The following TCERG1L variants were observed in gnomAD, a reference collection of about 807,000 sequenced individuals.
TCERG1L encodes transcription elongation regulator 1 like.
TCERG1L carries 37 observed loss-of-function variants against 56.3 expected under a neutral mutation model. The ratio of observed to expected loss-of-function variants is 0.66; its 90% CI spans 0.51 to 0.87. TCERG1L has a LOEUF of 0.87. Among genes scored for constraint, TCERG1L ranks in the 40% least tolerant of loss-of-function variants. The probability of loss-of-function intolerance (pLI) is 0.00; values close to 1 mark genes in which losing one functional copy is unlikely to be tolerated. For synonymous variants in TCERG1L, 324 were observed against 326.3 expected (o/e 0.99, Z 0.08); for missense variants, 799 against 774.2 (o/e 1.03, Z -0.38).
rs112917777 is a variant in TCERG1L at position 131,247,998 on chromosome 10, T to C, written c.856+12261A>G. 5.8e-3 allele frequency among the ~76,000 whole-genome samples: 866 copies of C among 149,638 alleles called. 8 individuals carry two copies. The highest frequency in any genetic ancestry group is 0.02 in the African/African-American group (828 of 40,480). On this transcript the variant is annotated intron_variant, in intron 4 of 11. Transcript: ENST00000368642. Reference sequence around the variant, plus strand: ...CATACCCACATGACTCAGGTGCACATACACACACACATGCATACACTCACA... The same window carrying C: ...CATACCCACATGACTCAGGTGCACACACACACACACATGCATACACTCACA...
chr10:131,284,125 C>CAAAAAAAAAAA (rs10534180), intron 3 of TCERG1L, among the ~76,000 whole-genome samples: 1 of 116,398 alleles, frequency 8.6e-6, no homozygotes, highest in African/African-American at 3.2e-5. Flanking sequence ...GACCACATCT[C>CAAAAAAAAAAA]AAAAAAAAAA....
intron 4 of TCERG1L, among the ~76,000 whole-genome samples, chr10:131,187,187 C>T (rs1396660243): frequency 1.3e-5 from 2 of 152,276 alleles, no homozygotes; most frequent in African/African-American, 2.4e-5. Context: ...AAGACAGTGA[C>T]CTCAGTGCCA....
rs570145016 is a variant in TCERG1L, at chr10:131,112,522, C to T, written c.1395+4277G>A. Among the ~76,000 whole-genome samples the T allele has an allele frequency of 2.8e-4, 40 of 142,558 alleles. 5 individuals are homozygous for T. Among genetic ancestry groups the T allele is most frequent in the African/African-American group, 9.1e-4 (37 of 40,566 alleles). 93.5% of individuals were successfully genotyped at this position (142,558 alleles called of 152,430 possible). On this transcript the variant is annotated intron_variant, in intron 9 of 11. Transcript: ENST00000368642. ...TCAACCTGCCCCACTCTGCGGCCCT[C>T]TTCTCCTGGCCTCTGGACTTTGCCT...
At chr10:131,263,063 C>T (rs1339195863) in intron 3 of TCERG1L, among the ~76,000 whole-genome samples, 1 of 152,030 alleles carries the variant, frequency 6.6e-6, no homozygotes, top group Admixed American at 6.5e-5. Flanking sequence ...TTTAGAAGCA[C>T]AATTGTTGGA....
rs1211664047 is a variant in TCERG1L at position 131,103,898 on chromosome 10, T to C, written c.1485+367A>G. Among the ~76,000 whole-genome samples the C allele has an allele frequency of 5.3e-5, 8 of 152,186 alleles. No homozygotes were observed. The highest frequency in any genetic ancestry group is 7.3e-5 in the Non-Finnish European group (5 of 68,036). On this transcript the variant is annotated intron_variant, in intron 10 of 11. Transcript: ENST00000368642. The surrounding 1 kb of genome is among the most constrained non-coding windows in gnomAD (Gnocchi z 4.3). ...TTCATATTATATAAGATTTTAAGCA[T>C]ATAAAACCTTAAGGTCTTATGTAAG...
intron 4 of TCERG1L, among the ~76,000 whole-genome samples, chr10:131,169,103 T>C (rs1258709668): frequency 6.6e-6 from 1 of 152,180 alleles, no homozygotes; most frequent in African/African-American, 2.4e-5. Context: ...TAAGAATTAC[T>C]CCCAGAGCCC....
intron 9 of TCERG1L, among the ~76,000 whole-genome samples, chr10:131,107,763 C>T (rs2133383973): frequency 6.6e-6 from 1 of 152,060 alleles, no homozygotes; most frequent in South Asian, 2.1e-4. Flanking sequence ...GCACACACAC[C>T]ACACATACAA....
Position 131,311,372 on chromosome 10 carries a change from G to A in TCERG1L, c.264C>T (p.Leu88=). ...GCGCAGAGGGCAGCGGCAGCAGCGGGAGCACCGGCTCGCTCGGGGCCGGCC... is the reference window on the plus strand; with the variant it reads ...GCGCAGAGGGCAGCGGCAGCAGCGGAAGCACCGGCTCGCTCGGGGCCGGCC... ...PGWPAPSEPV[L]PLLPLPSAPD... is the part of the protein sequence containing the mutation. The change falls in exon 1 of 12, where the codon CTC becomes CTT. Residue 88 remains leucine (L), a synonymous_variant. Coordinates refer to ENST00000368642, the MANE Select transcript of TCERG1L (RefSeq NM_174937.4). The surrounding 1 kb of genome is among the most constrained non-coding windows in gnomAD (Gnocchi z 4.0). 2 of 1,196,942 alleles carry A rather than the reference G, an allele frequency of 1.7e-6. No individual in the cohort carries two copies. The highest frequency in any genetic ancestry group is 8.3e-5 in the South Asian group (2 of 24,090). The allele number at this position is 1,196,942 out of a possible 1,614,324, so 74.1% of individuals were successfully genotyped here. A position where few individuals can be genotyped will look rare whatever the true frequency, so the allele number is the denominator to read the frequency against.
chr10:131,241,618 A>G (rs1239498418), intron 4 of TCERG1L, among the ~76,000 whole-genome samples: 7 of 149,988 alleles, frequency 4.7e-5, no homozygotes, highest in African/African-American at 1.5e-4. Flanking sequence ...GAGGACATGC[A>G]TGAACACAGT....
At chr10:131,114,265 CA>C (rs1845434163) in intron 9 of TCERG1L, among the ~76,000 whole-genome samples, 1 of 142,612 alleles carries the variant, frequency 7.0e-6, no homozygotes, top group African/African-American at 2.5e-5. Context: ...CATTGTTAAG[CA>C]GCTAGAAACC....
intron 6 of TCERG1L, among the ~76,000 whole-genome samples, chr10:131,157,205 C>T (rs1406153093): frequency 2.6e-5 from 4 of 152,188 alleles, no homozygotes; most frequent in Non-Finnish European, 5.9e-5. Context: ...TCCCAAAGTG[C>T]ACTTTCGTAT....
At chr10:131,276,110 A>G (rs1479642224) in intron 3 of TCERG1L, among the ~76,000 whole-genome samples, 1 of 152,158 alleles carries the variant, frequency 6.6e-6, no homozygotes, top group East Asian at 1.9e-4. Flanking sequence ...CTCCTCCTGA[A>G]AGATCTATTC....
At chr10:131,137,837 C>T (rs999997145) in intron 7 of TCERG1L, among the ~76,000 whole-genome samples, 2 of 152,086 alleles carry the variant, frequency 1.3e-5, no homozygotes, top group East Asian at 1.9e-4. Flanking sequence ...GAGGGGTTGC[C>T]GTGCACAACG....
chr10:131,309,959 C>A (rs1846866339), intron 1 of TCERG1L, among the ~76,000 whole-genome samples: 1 of 149,146 alleles, frequency 6.7e-6, no homozygotes, highest in Non-Finnish European at 1.5e-5. Context: ...ATTAAAATAA[C>A]TGAGACCTCA....
intron 2 of TCERG1L, 91 bp downstream of exon 2, chr10:131,309,062 G>GA (rs1326933941): frequency 2.1e-6 from 3 of 1,443,042 alleles, no homozygotes; most frequent in Non-Finnish European, 2.8e-6. Context: ...ATGGCAACAA[G>GA]AAAATACATG....
At chr10:131,171,498 A>G (rs1470037975) in intron 4 of TCERG1L, among the ~76,000 whole-genome samples, 1 of 152,234 alleles carries the variant, frequency 6.6e-6, no homozygotes, top group African/African-American at 2.4e-5. Context: ...ATGCGGGTCC[A>G]GTTGATGGCA....
intron 4 of TCERG1L, among the ~76,000 whole-genome samples, chr10:131,217,634 C>T (rs1845683298): frequency 6.6e-6 from 1 of 151,524 alleles, no homozygotes; most frequent in Admixed American, 6.6e-5. Flanking sequence ...CCAGGCAAGG[C>T]CCAGGGAACA....
chr10:131,108,351 C>T (rs775375773), intron 9 of TCERG1L, among the ~76,000 whole-genome samples: 7 of 152,156 alleles, frequency 4.6e-5, no homozygotes, highest in Non-Finnish European at 7.3e-5. Context: ...GATGAGACTC[C>T]GTCCCCTCCT....
intron 3 of TCERG1L, among the ~76,000 whole-genome samples, chr10:131,272,785 G>A (rs551629498): frequency 2.0e-3 from 299 of 152,338 alleles, no homozygotes; most frequent in African/African-American, 7.0e-3. Context: ...ACCCTGCCGG[G>A]ATGTGGAGGC....
Sources: gnomAD v4.1 joint callset for allele counts (sites outside exome capture counted in the v4.1 genomes callset) on GRCh38, gnomAD v4.1.1 for gene constraint, Gnocchi (gnomAD v3.1) non-coding constraint, MANE v1.5 for transcripts, NCBI Gene and HGNC (gene_info 2026-07-23, HGNC 2026-07-21) for gene names.